Variants in LRIT2 observed in about 807,000 individuals in gnomAD.
The protein encoded by LRIT2 is leucine-rich repeat, immunoglobulin-like domain and transmembrane domain-containing protein 2.
LRIT2 carries 23 observed loss-of-function variants against 22.4 expected under a neutral mutation model. The observed-to-expected ratio is 1.03, with a 90% CI of 0.74 to 1.45. The LOEUF is 1.45. LRIT2 is among the 40% of genes most tolerant of loss of function. The pLI, the probability that LRIT2 is intolerant of heterozygous loss-of-function variation, is 0.00. For missense variants in LRIT2, 784 were observed against 665.6 expected (o/e 1.18, Z -1.96); for synonymous variants, 291 against 267.1 (o/e 1.09, Z -0.87).
rs1026202979 is a variant in LRIT2 at position 84,221,207 on chromosome 10, G to T, written c.*713C>A. ...CCCCTACTCTTCCTTGGTGCTGATG[G>T]CTCCAGCCTGCCCAGCAGCACCAAG... On this transcript the variant is annotated 3_prime_UTR_variant, in exon 3 of 3. Transcript: ENST00000372113. The T allele has an allele frequency of 6.6e-6, 1 of 152,188 alleles. No individual in the cohort carries two copies. Among genetic ancestry groups the T allele is most frequent in the Non-Finnish European group, 1.5e-5 (1 of 68,060 alleles). The allele number at this position is 152,188 out of a possible 1,614,324, so 9.4% of individuals were successfully genotyped here.
chr10:84,224,250 C>G, intron 2 of LRIT2, 83 bp downstream of exon 2: 2 of 1,426,718 alleles, frequency 1.4e-6, no homozygotes, highest in East Asian at 4.7e-5. Flanking sequence ...ACTGACCCAG[C>G]TTTGAATCTC....
Position 84,221,719 on chromosome 10 carries a change from A to G in LRIT2, c.*201T>C. The G allele has an allele frequency of 2.3e-6, 1 of 425,608 alleles. No homozygotes were observed. The highest frequency in any genetic ancestry group is 3.8e-5 in the Admixed American group (1 of 26,034). 26.4% of individuals were successfully genotyped at this position (425,608 alleles called of 1,614,324 possible). A position where few individuals can be genotyped will look rare whatever the true frequency, so the allele number is the denominator to read the frequency against. ...ATCTTCATTGACTTTAACTTTACGA[A>G]GATAATGACTATGTCCCCTTTATCA... On this transcript the variant is annotated 3_prime_UTR_variant, in exon 3 of 3. Coordinates refer to ENST00000372113, the MANE Select transcript of LRIT2 (RefSeq NM_001017924.5).
intron 1 of LRIT2, 42 bp from the exon 2 acceptor site, chr10:84,225,156 G>A: frequency 6.5e-7 from 1 of 1,540,314 alleles, no homozygotes; most frequent in Non-Finnish European, 8.8e-7. Context: ...AACAACAGGG[G>A]ACTGAAAAGT....
At chr10:84,222,714 T>G (rs1227185993) in intron 2 of LRIT2, 34 bp from the exon 3 acceptor site, 2 of 1,610,534 alleles carry the variant, frequency 1.2e-6, no homozygotes, top group South Asian at 1.1e-5. Flanking sequence ...AGCTGTGCAT[T>G]TATCTGATAG....
intron 2 of LRIT2, among the ~76,000 whole-genome samples, chr10:84,223,031 G>C (rs969267898): frequency 6.6e-6 from 1 of 152,090 alleles, no homozygotes; most frequent in Non-Finnish European, 1.5e-5. Context: ...AACCACCTTC[G>C]CCTTGCTGAG....
Position 84,224,518 on chromosome 10 carries a change from G to A in LRIT2, c.707C>T (p.Ser236Phe), listed in dbSNP as rs780659791. 5 of 1,614,086 alleles carry A rather than the reference G, an allele frequency of 3.1e-6. No individual in the cohort carries two copies. In the South Asian group the frequency reaches 4.4e-5, roughly 14 times the overall value. The change falls in exon 2 of 3, where the codon TCC (serine) becomes TTC (phenylalanine). Residue 236 changes from serine (S) to phenylalanine (F), a missense_variant. Physicochemically the swap from Ser to Phe is radical, Grantham distance 155 (BLOSUM62 -2). Transcript: ENST00000372113. The stretch of plus-strand genomic sequence containing the variant: ...TTCATGAAAAAGCTGCCCTGCCTTG[G>A]ACAGAGGGCCCTGACATATCAGGTA... Reference protein sequence around the residue: ...NSYLICQGPLSKAGQLFHETE... With the variant: ...NSYLICQGPLFKAGQLFHETE...
At position 84,224,331 on chromosome 10, in the gene LRIT2, A is replaced by G; in HGVS notation, c.892+2T>C. On this transcript the variant is annotated splice_donor_variant, in intron 2 of 2. Transcript: ENST00000372113. LOFTEE classifies it high-confidence loss of function. ...TACACTGAGAGGGTGCATGTGGCTT[A>G]CCATCAAATTCTCTCCACATACTCA... is the stretch of plus-strand genomic sequence containing the variant. 1 of 1,607,772 alleles carries G rather than the reference A, an allele frequency of 6.2e-7. No homozygotes were observed. The highest frequency in any genetic ancestry group is 8.5e-7 in the Non-Finnish European group (1 of 1,176,542).
At chr10:84,222,852 G>A in intron 2 of LRIT2, 172 bp from the exon 3 acceptor site, 1 of 741,780 alleles carries the variant, frequency 1.3e-6, no homozygotes, top group Non-Finnish European at 2.4e-6. Context: ...TTGCCTCCCA[G>A]CAATCCTGTA....
In LRIT2 at chr10:84,224,845, G is replaced by C. The variant is rs138269963; in HGVS notation, c.380C>G (p.Pro127Arg). Residue 127 changes from proline to arginine, a missense_variant, in exon 2 of 3, where the codon CCT becomes CGT. By Grantham distance (103) the Pro-to-Arg change is moderately radical (BLOSUM62 -2). Coordinates refer to ENST00000372113, the MANE Select transcript of LRIT2 (RefSeq NM_001017924.5). Reference protein sequence around the residue: ...SVPWTAFRATPLLRVLDLKRN... With the variant: ...SVPWTAFRATRLLRVLDLKRN... ...TTTGAGATCCAAGACCCTCAGGAGA[G>C]GGGTGGCACGGAACGCTGTCCATGG... 301 of 1,613,960 alleles carry C rather than the reference G, an allele frequency of 1.9e-4. No homozygotes were observed. Among genetic ancestry groups the C allele is most frequent in the Non-Finnish European group, 2.3e-4 (266 of 1,179,998 alleles).
intron 2 of LRIT2, among the ~76,000 whole-genome samples, chr10:84,223,620 A>G (rs1369933130): frequency 6.6e-6 from 1 of 152,156 alleles, no homozygotes; most frequent in Admixed American, 6.6e-5. Flanking sequence ...AAGACAGGAC[A>G]CGAGGAATGT....
rs767701746 is a variant in LRIT2 at position 84,225,447 on chromosome 10, A to C, written c.74T>G (p.Leu25Arg). 12 of 1,614,248 alleles carry C rather than the reference A, an allele frequency of 7.4e-6. No individual in the cohort carries two copies. In the South Asian group the frequency reaches 1.3e-4, roughly 18 times the overall value. ...CTCCTCTGAGCAAGTGCATCCTGGC[A>C]GACAGAAAGGCTGAGCTGCGTGTGT... ...LDTHAAQPFC[L>R]PGCTCSEESF... The change falls in exon 1 of 3, where the codon CTG becomes CGG. Residue 25 changes from leucine to arginine, a missense_variant. Transcript: ENST00000372113.
Position 84,222,056 on chromosome 10 carries a change from G to T in LRIT2, c.1517C>A (p.Ala506Asp). 1 of 1,610,950 alleles carries T rather than the reference G, an allele frequency of 6.2e-7. No homozygotes were observed. Residue 506 changes from alanine to aspartate, a missense_variant, in exon 3 of 3, where the codon GCC (alanine) becomes GAC (aspartate). Coordinates refer to ENST00000372113, the MANE Select transcript of LRIT2 (RefSeq NM_001017924.5). ...CGGGGCTGCAGGGGTGCAGCTGGGG[G>T]CTTTCCTGCGATGAAGACAGCCGCG... ...VLRGCLHRRK[A>D]PSCTPAAPQS...
chr10:84,224,932 G>A lies in LRIT2; in HGVS notation c.293C>T (p.Ala98Val), dbSNP rs369752604. Residue 98 changes from alanine to valine, a missense_variant, in exon 2 of 3, where the codon GCC becomes GTC. By Grantham distance (64) the Ala-to-Val change is moderately conservative (BLOSUM62 0). Transcript: ENST00000372113. ...CCTCAGTTCTGGCAGGTGTTCCAGG[G>A]CTCCTAGGTGGATCACACTGATATT... is the stretch of plus-strand genomic sequence containing the variant. ...FNNISVIHLG[A>V]LEHLPELREL... 103 of 1,614,002 alleles carry A rather than the reference G, an allele frequency of 6.4e-5. No homozygotes were observed. Among genetic ancestry groups the A allele is most frequent in the Non-Finnish European group, 8.4e-5 (99 of 1,180,032 alleles).
chr10:84,224,649 G>T lies in LRIT2; in HGVS notation c.576C>A (p.Ser192Arg), dbSNP rs778671454. The T allele has an allele frequency of 1.5e-5, 24 of 1,614,030 alleles. No homozygotes were observed. The highest frequency in any genetic ancestry group is 6.7e-5 in the Admixed American group (4 of 60,004). The change falls in exon 2 of 3, where the codon AGC becomes AGA. Residue 192 changes from serine to arginine, a missense_variant. Coordinates refer to ENST00000372113, the MANE Select transcript of LRIT2 (RefSeq NM_001017924.5). ...QPDCGAEILS[S>R]LVVALHDNPW... ...GGTTGTCATGCAGGGCCACCACCAGGCTGGAGAGAATCTCAGCCCCACAGT... is the reference window on the plus strand; with the variant it reads ...GGTTGTCATGCAGGGCCACCACCAGTCTGGAGAGAATCTCAGCCCCACAGT...
rs761994514 is a variant in LRIT2, at chr10:84,224,564, G to A, written c.661C>T (p.Pro221Ser). The change falls in exon 2 of 3, where the codon CCA (proline) becomes TCA (serine). Residue 221 changes from proline (P) to serine (S), a missense_variant. Transcript: ENST00000372113. ...LVQFVKSITLPVILVNSYLIC... is the reference protein window; with the variant it reads ...LVQFVKSITLSVILVNSYLIC... ...AGGTAGGAATTCACCAGGATGACTG[G>A]GAGGGTAATGGACTTGACAAACTGG... 1.2e-6 allele frequency: 2 copies of A among 1,613,958 alleles called. No individual in the cohort carries two copies. The highest frequency in any genetic ancestry group is 1.7e-6 in the Non-Finnish European group (2 of 1,179,844).
Position 84,222,301 on chromosome 10 carries a change from AAGG to A in LRIT2, c.1269_1271del (p.Leu424del), listed in dbSNP as rs776688853. On this transcript the variant is annotated inframe_deletion, in exon 3 of 3. Transcript: ENST00000372113. ...GGCAGGCCTCATATTTTGTGCCAGG[AAGG>A]AGGTCATCCACAGCATAAGTATTGA... The A allele has an allele frequency of 8.2e-5, 132 of 1,614,088 alleles. No homozygotes were observed. The highest frequency in any genetic ancestry group is 1.1e-4 in the Non-Finnish European group (131 of 1,180,032).
At chr10:84,223,267 T>C (rs890195348) in intron 2 of LRIT2, among the ~76,000 whole-genome samples, 1 of 152,134 alleles carries the variant, frequency 6.6e-6, no homozygotes, top group African/African-American at 2.4e-5. Flanking sequence ...ATCACCTACC[T>C]CATTAGTTTG....
In LRIT2 at chr10:84,225,007, C is replaced by G. The variant is rs749904808; in HGVS notation, c.218G>C (p.Gly73Ala). Residue 73 changes from glycine (G) to alanine (A), a missense_variant, in exon 2 of 3, where the codon GGG becomes GCG. Physicochemically the swap from Gly to Ala is moderately conservative, Grantham distance 60. Transcript: ENST00000372113. ...ENSPLFEMPQGSFINMSTLEY... is the reference protein window; with the variant it reads ...ENSPLFEMPQASFINMSTLEY... ...CAAGGTGCTCATGTTGATGAAAGAC[C>G]CTTGGGGCATCTCAAATAAGGGTGA... The G allele has an allele frequency of 4.5e-5, 72 of 1,613,896 alleles. No individual in the cohort carries two copies. The highest frequency in any genetic ancestry group is 6.1e-5 in the Non-Finnish European group (72 of 1,180,012).
upstream of LRIT2, chr10:84,225,554 A>G (rs768093382): frequency 1.7e-5 from 28 of 1,605,464 alleles, 1 homozygote; most frequent in South Asian, 1.8e-4. Context: ...GTGAGTTTTG[A>G]ATAAGTATCG....
Sources: gnomAD v4.1 joint callset for allele counts (sites outside exome capture counted in the v4.1 genomes callset) on GRCh38, gnomAD v4.1.1 for gene constraint, MANE v1.5 for transcripts, NCBI Gene and HGNC (gene_info 2026-07-23, HGNC 2026-07-21) for gene names.